BAZ1B: variants seen among roughly 807,000 people sequenced by gnomAD.
The protein encoded by BAZ1B is bromodomain adjacent to zinc finger domain 1B.
A neutral mutation model predicts 153.8 loss-of-function variants in BAZ1B; 22 were observed. The observed-to-expected ratio is 0.14, with a 90% CI of 0.10 to 0.20. The LOEUF is 0.20. Among genes scored for constraint, BAZ1B ranks in the 10% least tolerant of loss-of-function variants. The pLI is 1.00. For synonymous variants in BAZ1B, 676 were observed against 633.4 expected, an observed-to-expected ratio of 1.07 and a Z score of -1.01; for missense variants, 1,325 against 1,799.3, an observed-to-expected ratio of 0.74 and a Z score of 4.77.
chr7:73,467,528 C>T (rs1277247838), intron 9 of BAZ1B, among the ~76,000 whole-genome samples: 1 of 151,938 alleles, frequency 6.6e-6, no homozygotes, highest in Non-Finnish European at 1.5e-5. Flanking sequence ...CGCCACCACA[C>T]CCGGCTAATT....
intron 3 of BAZ1B, among the ~76,000 whole-genome samples, chr7:73,501,717 G>A (rs1276012084): frequency 7.2e-5 from 11 of 151,984 alleles, no homozygotes; most frequent in Non-Finnish European, 1.3e-4. Context: ...AATACTCAAT[G>A]CCCCCTTCTC....
At chr7:73,473,775 T>C (rs1256480210) in intron 7 of BAZ1B, among the ~76,000 whole-genome samples, 2 of 151,944 alleles carry the variant, frequency 1.3e-5, no homozygotes, top group African/African-American at 2.4e-5. Flanking sequence ...ATTGCTTGAG[T>C]TTAGGGGTTC....
At chr7:73,498,801 A>C in intron 3 of BAZ1B, 103 bp from the exon 4 acceptor site, 1 of 992,640 alleles carries the variant, frequency 1.0e-6, no homozygotes, top group Non-Finnish European at 1.5e-6. Flanking sequence ...AACTAACAAA[A>C]GGTGATTGAA....
chr7:73,458,020 C>T (rs1208578244), intron 13 of BAZ1B, among the ~76,000 whole-genome samples: 1 of 152,146 alleles, frequency 6.6e-6, no homozygotes, highest in East Asian at 1.9e-4. Flanking sequence ...AATGCTTTCC[C>T]GGGTTCTGTC....
At chr7:73,478,844 T>C (rs1309103251) in intron 6 of BAZ1B, among the ~76,000 whole-genome samples, 1 of 152,190 alleles carries the variant, frequency 6.6e-6, no homozygotes, top group African/African-American at 2.4e-5. Flanking sequence ...TTCTTAAATA[T>C]TTAAACAAAA....
chr7:73,452,040 C>CT (rs1466537493), intron 13 of BAZ1B, among the ~76,000 whole-genome samples: 1 of 152,204 alleles, frequency 6.6e-6, no homozygotes, highest in South Asian at 2.1e-4. Flanking sequence ...GGCAGTCCTG[C>CT]TTTTTACTAT....
intron 1 of BAZ1B, among the ~76,000 whole-genome samples, chr7:73,519,012 G>A (rs1027787086): frequency 1.3e-5 from 2 of 152,112 alleles, no homozygotes; most frequent in African/African-American, 4.8e-5. Context: ...AAGATCTAGT[G>A]TCCTGCCTGT....
intron 17 of BAZ1B, 54 bp from the exon 18 acceptor site, chr7:73,442,882 G>A: frequency 4.5e-6 from 6 of 1,337,500 alleles, no homozygotes; most frequent in Non-Finnish European, 6.4e-6. Flanking sequence ...GAGGAAGAAT[G>A]GACAGGGCAG....
chr7:73,475,052 T>C (rs1788947351), intron 7 of BAZ1B, among the ~76,000 whole-genome samples: 1 of 152,200 alleles, frequency 6.6e-6, no homozygotes. Context: ...CTAGTATGAC[T>C]ATCATCAAAA....
chr7:73,471,892 A>T (rs1168905216), intron 7 of BAZ1B, among the ~76,000 whole-genome samples: 2 of 151,606 alleles, frequency 1.3e-5, no homozygotes, highest in East Asian at 1.9e-4. Flanking sequence ...AAAAAGCGAG[A>T]GAGTGAGTGA....
chr7:73,447,405 G>A (rs377020653), intron 15 of BAZ1B, 26 bp from the exon 16 acceptor site: 5 of 1,595,246 alleles, frequency 3.1e-6, no homozygotes, highest in Non-Finnish European at 4.3e-6. Flanking sequence ...ATAATGTAGG[G>A]AACACAGTTT....
At chr7:73,483,598 C>G (rs1318252022) in intron 6 of BAZ1B, among the ~76,000 whole-genome samples, 1 of 151,878 alleles carries the variant, frequency 6.6e-6, no homozygotes, top group Non-Finnish European at 1.5e-5. Flanking sequence ...TATAATTTAC[C>G]TTTTAAAGTA....
chr7:73,507,381 C>G (rs1362358889), intron 3 of BAZ1B: 5 of 152,024 alleles, frequency 3.3e-5, no homozygotes, highest in Non-Finnish European at 7.3e-5. Context: ...AATCCCATCT[C>G]TACAAAACAT....
At chr7:73,496,312 T>C (rs1426196781) in intron 4 of BAZ1B, among the ~76,000 whole-genome samples, 1 of 152,146 alleles carries the variant, frequency 6.6e-6, no homozygotes, top group Non-Finnish European at 1.5e-5. Context: ...GAAAACAAAC[T>C]GAAGTATCAA....
At chr7:73,442,134 C>G in intron 19 of BAZ1B, 47 bp downstream of exon 19, 1 of 621,432 alleles carries the variant, frequency 1.6e-6, no homozygotes, top group Non-Finnish European at 2.9e-6. Flanking sequence ...TCCTCGCTCG[C>G]CTCCCTCCCA....
intron 3 of BAZ1B, among the ~76,000 whole-genome samples, chr7:73,505,116 C>A (rs779163730): frequency 5.3e-5 from 8 of 152,128 alleles, no homozygotes; most frequent in Non-Finnish European, 8.8e-5. Flanking sequence ...CTTTCTCAGC[C>A]CCCGCTGCAG....
At position 73,478,234 on chromosome 7, in the gene BAZ1B, T is replaced by G; in HGVS notation, c.1227A>C (p.Lys409Asn). The G allele has an allele frequency of 6.2e-7, 1 of 1,614,194 alleles. No individual in the cohort carries two copies. The highest frequency in any genetic ancestry group is 8.5e-7 in the Non-Finnish European group (1 of 1,180,028). ...TGGATTTCTGTCCATTCAGGATGCC[T>G]TTGCTTCTGCCCTTTGCCTTCAAAG... ...DKPLKAKGRS[K>N]GILNGQKSTG... Residue 409 changes from lysine to asparagine, a missense_variant, in exon 7 of 20, where the codon AAA (lysine) becomes AAC (asparagine). Coordinates refer to ENST00000339594, the MANE Select transcript of BAZ1B (RefSeq NM_032408.4).
At chr7:73,502,779 AAAAAG>A (rs1790188219) in intron 3 of BAZ1B, among the ~76,000 whole-genome samples, 1 of 152,196 alleles carries the variant, frequency 6.6e-6, no homozygotes, top group South Asian at 2.1e-4. Context: ...CCCTGTCTCA[AAAAAG>A]AAAAGAATAT....
intron 17 of BAZ1B, among the ~76,000 whole-genome samples, 157 bp downstream of exon 17, chr7:73,443,827 G>A (rs1583880782): frequency 6.6e-6 from 1 of 152,208 alleles, no homozygotes; most frequent in Non-Finnish European, 1.5e-5. Context: ...TTCTGTCTGC[G>A]TACAGGCTCA....
Sources: allele counts gnomAD v4.1 joint callset (sites outside exome capture counted in the v4.1 genomes callset), GRCh38; gene constraint gnomAD v4.1.1; transcripts MANE v1.5; gene names NCBI Gene and HGNC (gene_info 2026-07-23, HGNC 2026-07-21).